Variants in PI4KA observed in about 807,000 individuals in gnomAD.
PI4KA encodes phosphatidylinositol 4-kinase alpha, also known as PI4-kinase alpha.
Under a neutral mutation model 271.4 loss-of-function variants are expected in PI4KA, and 122 were observed. That is an observed-to-expected ratio of 0.45 (90% CI 0.39 to 0.52). The LOEUF (loss-of-function observed/expected upper bound fraction) is 0.52, where lower values mean the gene tolerates loss of function less well. Among genes scored for constraint, PI4KA ranks in the 20% least tolerant of loss-of-function variants. PI4KA has a pLI of 0.00. For synonymous variants in PI4KA, 1,041 were observed against 1,078.8 expected, an observed-to-expected ratio of 0.96 and a Z score of 0.69; for missense variants, 1,969 against 2,769.1, an observed-to-expected ratio of 0.71 and a Z score of 6.48.
At chr22:20,828,768 T>G (rs935724218) in intron 3 of PI4KA, among the ~76,000 whole-genome samples, 2 of 152,034 alleles carry the variant, frequency 1.3e-5, no homozygotes, top group African/African-American at 4.8e-5. Context: ...TTGGCCAGGA[T>G]GGTCTCAATC....
Position 20,727,383 on chromosome 22 carries a change from C to A in PI4KA, c.4788G>T (p.Trp1596Cys). 2 of 1,603,866 alleles carry A rather than the reference C, an allele frequency of 1.2e-6. No homozygotes were observed. Among genetic ancestry groups the A allele is most frequent in the Non-Finnish European group, 1.7e-6 (2 of 1,175,344 alleles). ...VPEAIKFLVT[W>C]HTIDADAPEL... ...CTGGAGCATCGGCGTCGATGGTGTG[C>A]CAGGTGACCAGGAACTGCAGAGAAG... Residue 1596 changes from tryptophan to cysteine, a missense_variant, in exon 41 of 55, where the codon TGG becomes TGT. Around this residue, in one of 13 missense-constraint regions of PI4KA, gnomAD observed 388 missense variants for 521.5 expected, o/e 0.74. Transcript: ENST00000255882.
intron 1 of PI4KA, among the ~76,000 whole-genome samples, chr22:20,845,326 T>A (rs1216690158): frequency 6.6e-6 from 1 of 152,104 alleles, no homozygotes; most frequent in Non-Finnish European, 1.5e-5. Context: ...CAGAGGGTAT[T>A]TGTAAGGTAT....
chr22:20,767,216 G>A (rs1166655192), intron 19 of PI4KA, among the ~76,000 whole-genome samples: 1 of 152,176 alleles, frequency 6.6e-6, no homozygotes, highest in Non-Finnish European at 1.5e-5. Flanking sequence ...GCCGAGGCAG[G>A]TGGATCACGA....
At chr22:20,857,127 C>T (rs1278041926) in intron 1 of PI4KA, among the ~76,000 whole-genome samples, 1 of 152,208 alleles carries the variant, frequency 6.6e-6, no homozygotes, top group Non-Finnish European at 1.5e-5. Flanking sequence ...TTTTGTTGCT[C>T]TTCACAATAC....
intron 19 of PI4KA, among the ~76,000 whole-genome samples, chr22:20,778,643 G>C (rs5760513): frequency 0.069 from 10,428 of 152,186 alleles, 348 homozygotes; most frequent in East Asian, 0.079. Flanking sequence ...TTTTTCAACA[G>C]CATCTCCATT....
At chr22:20,768,599 A>C (rs187368621) in intron 19 of PI4KA, among the ~76,000 whole-genome samples, 2 of 152,276 alleles carry the variant, frequency 1.3e-5, no homozygotes, top group East Asian at 3.9e-4. Flanking sequence ...CTCTTCCATC[A>C]ACATGTTCCT....
At chr22:20,843,370 G>T (rs935577149) in intron 1 of PI4KA, among the ~76,000 whole-genome samples, 1 of 152,084 alleles carries the variant, frequency 6.6e-6, no homozygotes, top group Non-Finnish European at 1.5e-5. Context: ...TGCCCCTGTA[G>T]TCCTAGATGC....
At chr22:20,748,433 G>A (rs748094023) in intron 28 of PI4KA, among the ~76,000 whole-genome samples, 13 of 152,222 alleles carry the variant, frequency 8.5e-5, no homozygotes, top group Non-Finnish European at 1.8e-4. Context: ...TGGACAGCAG[G>A]AACGAAGAAC....
intron 17 of PI4KA, among the ~76,000 whole-genome samples, chr22:20,798,302 C>T (rs1935098530): frequency 6.6e-6 from 1 of 152,118 alleles, no homozygotes; most frequent in South Asian, 2.1e-4. Flanking sequence ...CATGGTGTGG[C>T]TGATGTGCTG....
chr22:20,831,098 G>C (rs763516304), intron 3 of PI4KA, among the ~76,000 whole-genome samples: 3 of 152,110 alleles, frequency 2.0e-5, no homozygotes, highest in African/African-American at 4.8e-5. Flanking sequence ...GTAGTGGTTG[G>C]TAATAATCTT....
intron 7 of PI4KA, among the ~76,000 whole-genome samples, chr22:20,817,935 G>A (rs1388920347): frequency 1.3e-5 from 2 of 151,532 alleles, no homozygotes; most frequent in Admixed American, 1.3e-4. Flanking sequence ...GACAAGCCTG[G>A]CCACCATGGT....
chr22:20,742,458 C>A (rs1929572948), intron 31 of PI4KA, 103 bp from the exon 32 acceptor site: 1 of 1,556,678 alleles, frequency 6.4e-7, no homozygotes. Flanking sequence ...CAGTGATGGC[C>A]TTTTATTGAC....
intron 43 of PI4KA, among the ~76,000 whole-genome samples, chr22:20,720,790 A>G (rs570049018): frequency 1.3e-5 from 2 of 152,216 alleles, no homozygotes; most frequent in Non-Finnish European, 2.9e-5. Flanking sequence ...TATTTTCCCA[A>G]AAAGATGTTA....
At chr22:20,730,720 C>T (rs1317460282) in intron 36 of PI4KA, among the ~76,000 whole-genome samples, 1 of 151,702 alleles carries the variant, frequency 6.6e-6, no homozygotes, top group Non-Finnish European at 1.5e-5. Context: ...CAGACGCCCA[C>T]CACCATGCCT....
intron 19 of PI4KA, chr22:20,786,936 C>T (rs754454650): frequency 4.3e-6 from 7 of 1,614,172 alleles, no homozygotes; most frequent in South Asian, 1.1e-5. Flanking sequence ...ACTGTGACCA[C>T]GGTGGGGTTC....
chr22:20,713,368 G>T lies in PI4KA; in HGVS notation c.5484C>A (p.Ser1828=). The T allele has an allele frequency of 6.3e-7, 1 of 1,587,946 alleles. No homozygotes were observed. The highest frequency in any genetic ancestry group is 8.6e-7 in the Non-Finnish European group (1 of 1,165,758). Residue 1828 remains serine (S), a synonymous_variant, in exon 48 of 55, where the codon TCC becomes TCA. Transcript: ENST00000255882. The part of the protein sequence containing the change: ...EKEGLRCRSD[S]EDECSTQEAD... ...CCTCCTGCGTGCTGCACTCATCCTC[G>T]GAGTCTGAGCGGCACCGCAGACCTG... is the stretch of plus-strand genomic sequence containing the variant.
At chr22:20,838,363 AC>A (rs1364670156) in intron 2 of PI4KA, among the ~76,000 whole-genome samples, 1 of 152,166 alleles carries the variant, frequency 6.6e-6, no homozygotes, top group African/African-American at 2.4e-5. Context: ...GCACATAATA[AC>A]AAACAAACAA....
chr22:20,783,910 A>G, intron 19 of PI4KA: 1 of 1,606,272 alleles, frequency 6.2e-7, no homozygotes, highest in Non-Finnish European at 8.5e-7. Flanking sequence ...TTCACTCTCA[A>G]GGGTGAGACG....
At chr22:20,857,961 C>T (rs900895482) in intron 1 of PI4KA, among the ~76,000 whole-genome samples, 8 of 152,220 alleles carry the variant, frequency 5.3e-5, no homozygotes, top group Non-Finnish European at 1.2e-4. Flanking sequence ...TCTCCTTTCC[C>T]TGCCACTGTC....
Sources: gnomAD v4.1 joint callset for allele counts (sites outside exome capture counted in the v4.1 genomes callset) on GRCh38, gnomAD v4.1.1 for gene constraint, gnomAD v4.1.1 regional missense constraint, MANE v1.5 for transcripts, NCBI Gene and HGNC (gene_info 2026-07-23, HGNC 2026-07-21) for gene names.